The following POLD3 variants were observed in gnomAD, a reference collection of about 807,000 sequenced individuals.
POLD3 encodes the protein DNA polymerase delta 3, accessory subunit, also known as DNA polymerase delta subunit 3.
A neutral mutation model predicts 58.2 loss-of-function variants in POLD3; 19 were observed. That is an observed-to-expected ratio of 0.33 (90% CI 0.23 to 0.48). The LOEUF (loss-of-function observed/expected upper bound fraction) is 0.48. Among genes scored for constraint, POLD3 ranks in the 20% least tolerant of loss-of-function variants. POLD3 has a pLI of 0.99. For missense variants in POLD3, 504 were observed against 545.5 expected, an observed-to-expected ratio of 0.92 and a Z score of 0.76; for synonymous variants, 172 against 193.5, an observed-to-expected ratio of 0.89 and a Z score of 0.92.
chr11:74,601,775 C>CT (rs2031508433), intron 2 of POLD3, among the ~76,000 whole-genome samples: 1 of 152,056 alleles, frequency 6.6e-6, no homozygotes, highest in Non-Finnish European at 1.5e-5. Context: ...GAGTGAGACT[C>CT]TATCTCTTAA....
chr11:74,611,571 T>C, intron 4 of POLD3, 33 bp downstream of exon 4: 1 of 1,265,740 alleles, frequency 7.9e-7, no homozygotes, highest in Non-Finnish European at 1.1e-6. Flanking sequence ...AAGTTTTTCC[T>C]CTTATGGCAT....
chr11:74,599,370 T>C (rs1281688211), intron 2 of POLD3, among the ~76,000 whole-genome samples: 3 of 147,732 alleles, frequency 2.0e-5, no homozygotes. Flanking sequence ...CTCAAGTAAT[T>C]TTTTTTTTTT....
At position 74,656,131 on chromosome 11, in the gene POLD3, A is replaced by G. The variant is rs373665053; in HGVS notation, c.370-12646A>G. On this transcript the variant is annotated intron_variant, in intron 4 of 4. Coordinates refer to the POLD3 transcript ENST00000524752. ...GGATAAATTTAATGAAATATGTTCA[A>G]CATCTCTACACTAAAAACTAAAACA... Among the ~76,000 whole-genome samples, 23 of 152,376 alleles carry G rather than the reference A, an allele frequency of 1.5e-4. No individual in the cohort carries two copies. In the East Asian group the frequency reaches 2.5e-3, roughly 17 times the overall value.
At chr11:74,654,249 A>G (rs1045497645) in intron 4 of POLD3, among the ~76,000 whole-genome samples, 1 of 152,264 alleles carries the variant, frequency 6.6e-6, no homozygotes, top group African/African-American at 2.4e-5. Flanking sequence ...GTAGTAGGAC[A>G]GAAAAAGACC....
chr11:74,603,611 A>G (rs1042468454), intron 2 of POLD3, among the ~76,000 whole-genome samples: 1 of 152,170 alleles, frequency 6.6e-6, no homozygotes, highest in African/African-American at 2.4e-5. Flanking sequence ...AAATAGCTAA[A>G]GACAGAATAC....
intron 5 of POLD3, among the ~76,000 whole-genome samples, chr11:74,617,657 CCCA>C (rs1723409650): frequency 6.6e-6 from 1 of 152,222 alleles, no homozygotes; most frequent in East Asian, 1.9e-4. Context: ...GCCTTGGCCT[CCCA>C]AAGTGCTGGG....
intron 4 of POLD3, among the ~76,000 whole-genome samples, chr11:74,656,457 C>T (rs1290648177): frequency 2.6e-5 from 4 of 152,076 alleles, no homozygotes; most frequent in African/African-American, 7.2e-5. Flanking sequence ...CATGGTGGCA[C>T]GCACCTGTAA....
In POLD3 at chr11:74,592,712, C is replaced by A; in HGVS notation, c.54C>A (p.Asn18Lys). ...ENIDEFVTDQ[N>K]KIVTYKWLSY... is the part of the protein sequence containing the mutation. The stretch of plus-strand genomic sequence containing the variant: ...TAGACGAGTTCGTCACGGACCAAAA[C>A]AAGATCGTGAGCAGCTACTACTGGG... Residue 18 changes from asparagine (N) to lysine (K), a missense_variant, in exon 1 of 12, where the codon AAC becomes AAA. Asn to Lys is a moderately conservative substitution (Grantham distance 94, BLOSUM62 0). Around this residue, in one of 2 missense-constraint regions of POLD3, gnomAD observed 119 missense variants for 175.0 expected, o/e 0.68. Transcript: ENST00000263681. 6.2e-7 allele frequency: 1 copy of A among 1,614,100 alleles called. No individual in the cohort carries two copies. Among genetic ancestry groups the A allele is most frequent in the Non-Finnish European group, 8.5e-7 (1 of 1,179,966 alleles).
rs556806639 is a variant in POLD3, at chr11:74,623,304, G to A, written c.734-2104G>A. Among the ~76,000 whole-genome samples, 14 of 152,194 alleles carry A rather than the reference G, an allele frequency of 9.2e-5. No homozygotes were observed. The East Asian group carries it at 1.9e-3, about 21-fold the overall frequency. ...CAAAAAATTAGCTGGGCCTGTTGGT[G>A]GGCGCCTGTAGTCCCAGCTACTCAG... On this transcript the variant is annotated intron_variant, in intron 7 of 11. Transcript: ENST00000263681.
intron 9 of POLD3, among the ~76,000 whole-genome samples, chr11:74,632,877 T>TACACACACACACACACAC (rs71036003): frequency 0.017 from 1,911 of 115,676 alleles, 163 homozygotes; most frequent in African/African-American, 0.047. Context: ...TTTAAGTAAA[T>TACACACACACACACACAC]ACACACACAC....
intron 4 of POLD3, among the ~76,000 whole-genome samples, chr11:74,656,029 C>G (rs1322088210): frequency 6.6e-6 from 1 of 152,162 alleles, no homozygotes; most frequent in Non-Finnish European, 1.5e-5. Context: ...TTTTGTATAT[C>G]AGCAATTAGT....
chr11:74,664,642 A>G (rs954907741), intron 4 of POLD3, among the ~76,000 whole-genome samples: 1 of 152,148 alleles, frequency 6.6e-6, no homozygotes, highest in South Asian at 2.1e-4. Context: ...ATCCTCAAAA[A>G]AAAATTACGA....
chr11:74,655,756 A>T (rs2033126111), intron 4 of POLD3, among the ~76,000 whole-genome samples: 1 of 152,222 alleles, frequency 6.6e-6, no homozygotes, highest in South Asian at 2.1e-4. Context: ...ACCATATATC[A>T]TACTTTGTGA....
rs746476517 is a variant in POLD3, at chr11:74,612,989, G to A, written c.371G>A (p.Ser124Asn). Residue 124 changes from serine (S) to asparagine (N), a missense_variant, in exon 5 of 12, where the codon AGC becomes AAC. This residue lies in a region of POLD3 where 119 missense variants were observed against 175.0 expected (regional missense o/e 0.68). Coordinates refer to ENST00000263681, the MANE Select transcript of POLD3 (RefSeq NM_006591.3). ...LFNTDYDILK[S>N]NLQNCSKFSA... The stretch of plus-strand genomic sequence containing the variant: ...AATACTGACTATGACATCCTTAAAA[G>A]CAACTTGCAGAACTGCAGCAAGTAA... 2 of 1,611,212 alleles carry A rather than the reference G, an allele frequency of 1.2e-6. No homozygotes were observed. The highest frequency in any genetic ancestry group is 1.7e-6 in the Non-Finnish European group (2 of 1,179,182).
At chr11:74,667,260 G>A (rs2033281480) in intron 4 of POLD3, among the ~76,000 whole-genome samples, 1 of 152,222 alleles carries the variant, frequency 6.6e-6, no homozygotes, top group African/African-American at 2.4e-5. Context: ...TAAGGGCCCG[G>A]CGTGGTGGCT....
chr11:74,607,355 T>C (rs1240041475), intron 3 of POLD3, among the ~76,000 whole-genome samples: 1 of 150,606 alleles, frequency 6.6e-6, no homozygotes, highest in Non-Finnish European at 1.5e-5. Flanking sequence ...CTCTGCCTCC[T>C]GGGTTCACGT....
In POLD3 at chr11:74,641,920, C is replaced by T; in HGVS notation, c.*1154C>T. On this transcript the variant is annotated 3_prime_UTR_variant, in exon 12 of 12. Coordinates refer to ENST00000263681, the MANE Select transcript of POLD3 (RefSeq NM_006591.3). ...TTTTTATTAGTTACTTATGGAAAAT[C>T]ATCTATTACAATGATAACCTTCAAG... The T allele has an allele frequency of 1.0e-6, 1 of 985,218 alleles. No homozygotes were observed. Among genetic ancestry groups the T allele is most frequent in the Non-Finnish European group, 1.2e-6 (1 of 829,780 alleles). 61.0% of individuals were successfully genotyped at this position (985,218 alleles called of 1,614,324 possible).
chr11:74,622,558 A>G (rs772228978), intron 7 of POLD3, among the ~76,000 whole-genome samples: 1 of 152,216 alleles, frequency 6.6e-6, no homozygotes, highest in Non-Finnish European at 1.5e-5. Context: ...CTGAATGTTC[A>G]GAGTAAAATT....
chr11:74,638,782 G>T, intron 11 of POLD3: 1 of 437,654 alleles, frequency 2.3e-6, no homozygotes. Context: ...TTCTGCATCA[G>T]TAGGCCAGGA....
Sources: allele counts gnomAD v4.1 joint callset (sites outside exome capture counted in the v4.1 genomes callset), GRCh38; gene constraint gnomAD v4.1.1; regional missense constraint gnomAD v4.1.1; transcripts MANE v1.5; gene names NCBI Gene and HGNC (gene_info 2026-07-23, HGNC 2026-07-21).